NBEAL1: variants seen among roughly 807,000 people sequenced by gnomAD.
NBEAL1 encodes neurobeachin like 1.
Under a neutral mutation model 351.3 loss-of-function variants are expected in NBEAL1, and 273 were observed. That is an observed-to-expected ratio of 0.78 (90% CI 0.70 to 0.86). The LOEUF (loss-of-function observed/expected upper bound fraction) is 0.86, where lower values mean the gene tolerates loss of function less well. Among genes scored for constraint, NBEAL1 ranks in the 40% least tolerant of loss-of-function variants. The pLI is 0.00. For missense variants in NBEAL1, 2,961 were observed against 3,201.3 expected, an observed-to-expected ratio of 0.92 and a Z score of 1.81; for synonymous variants, 1,050 against 1,086.4, an observed-to-expected ratio of 0.97 and a Z score of 0.66.
intron 12 of NBEAL1, among the ~76,000 whole-genome samples, chr2:203,100,014 G>A (rs1424349882): frequency 6.6e-6 from 1 of 152,086 alleles, no homozygotes; most frequent in Non-Finnish European, 1.5e-5. Context: ...TTCTATTCCT[G>A]TGTTAGTTCG....
chr2:203,110,287 G>A lies in NBEAL1; in HGVS notation c.2082+5G>A, dbSNP rs752961668. 10 of 1,548,132 alleles carry A rather than the reference G, an allele frequency of 6.5e-6. No individual in the cohort carries two copies. Among genetic ancestry groups the A allele is most frequent in the Non-Finnish European group, 8.7e-6 (10 of 1,146,028 alleles). Reference sequence around the variant, plus strand: ...AGTTTCTGTGATTCCCTCTGGGTAAGGCTTTAGGGCATCACATTTAACTTC... The same window carrying A: ...AGTTTCTGTGATTCCCTCTGGGTAAAGCTTTAGGGCATCACATTTAACTTC... On this transcript the variant is annotated splice_donor_5th_base_variant and intron_variant, in intron 15 of 55. Coordinates refer to ENST00000683969, the MANE Select transcript of NBEAL1 (RefSeq NM_001378026.1).
chr2:203,115,645 G>A (rs1388958756), intron 17 of NBEAL1, among the ~76,000 whole-genome samples: 1 of 152,030 alleles, frequency 6.6e-6, no homozygotes, highest in African/African-American at 2.4e-5. Context: ...GCCCAGGCTG[G>A]TCTCAAACTC....
At position 203,171,990 on chromosome 2, in the gene NBEAL1, A is replaced by G; in HGVS notation, c.6165A>G (p.Gly2055=). The G allele has an allele frequency of 6.2e-7, 1 of 1,607,816 alleles. No individual in the cohort carries two copies. Among genetic ancestry groups the G allele is most frequent in the Non-Finnish European group, 8.5e-7 (1 of 1,177,846 alleles). The change falls in exon 40 of 56, where the codon GGA becomes GGG. Residue 2055 remains glycine, a synonymous_variant. Transcript: ENST00000683969. ...DYLIQINTMA[G]RTYNDLAQYP... is the part of the protein sequence containing the mutation. ...TCATTCAAATAAATACAATGGCAGG[A>G]CGAACCTATAATGACCTTGCACAGT...
intron 51 of NBEAL1, among the ~76,000 whole-genome samples, chr2:203,207,093 C>T (rs1270342317): frequency 1.3e-5 from 2 of 148,426 alleles, no homozygotes; most frequent in African/African-American, 2.4e-5. Context: ...ATGTGAGGAG[C>T]GTCTCTGCCC....
chr2:203,116,930 G>A (rs1343349150), intron 18 of NBEAL1, among the ~76,000 whole-genome samples: 5 of 151,580 alleles, frequency 3.3e-5, no homozygotes, highest in South Asian at 4.2e-4. Flanking sequence ...AGTGAAACCC[G>A]TCTCTACTAA....
intron 31 of NBEAL1, among the ~76,000 whole-genome samples, chr2:203,143,452 G>T (rs1400780192): frequency 2.8e-5 from 4 of 145,036 alleles, no homozygotes; most frequent in East Asian, 1.9e-4. Context: ...TAGTTAAGAA[G>T]ATTTTTTTGC....
chr2:203,177,136 G>A (rs1351761850), intron 42 of NBEAL1, among the ~76,000 whole-genome samples: 1 of 136,088 alleles, frequency 7.3e-6, no homozygotes, highest in Non-Finnish European at 1.5e-5. Flanking sequence ...GGGTGACACA[G>A]CAAAGCTCTA....
chr2:203,047,162 G>A (rs1270498274), intron 3 of NBEAL1, among the ~76,000 whole-genome samples: 1 of 151,924 alleles, frequency 6.6e-6, no homozygotes, highest in Non-Finnish European at 1.5e-5. Context: ...GCTTGAATGC[G>A]GGAGGCCAAG....
Position 203,136,161 on chromosome 2 carries a change from C to A in NBEAL1, c.4298C>A (p.Thr1433Asn). The change falls in exon 28 of 56, where the codon ACT becomes AAT. Residue 1433 changes from threonine to asparagine, a missense_variant. Thr to Asn is a moderately conservative substitution (Grantham distance 65). Coordinates refer to ENST00000683969, the MANE Select transcript of NBEAL1 (RefSeq NM_001378026.1). Reference protein sequence around the residue: ...LPSTPSPVESTKSFSVHSDRE... With the variant: ...LPSTPSPVESNKSFSVHSDRE... ...AGCACACCATCCCCAGTAGAGTCTA[C>A]TAAATCGTTTTCTGTGCACTCTGAC... The A allele has an allele frequency of 6.2e-7, 1 of 1,614,016 alleles. No homozygotes were observed. Among genetic ancestry groups the A allele is most frequent in the Non-Finnish European group, 8.5e-7 (1 of 1,179,960 alleles).
At chr2:203,059,907 T>A (rs993895525) in intron 6 of NBEAL1, among the ~76,000 whole-genome samples, 1 of 152,198 alleles carries the variant, frequency 6.6e-6, no homozygotes, top group African/African-American at 2.4e-5. Context: ...TTTATACTCA[T>A]TAGCACTTTG....
Position 203,057,913 on chromosome 2 carries a change from A to C in NBEAL1, c.515+460A>C, listed in dbSNP as rs558183929. Among the ~76,000 whole-genome samples, 11 of 146,744 alleles carry C rather than the reference A, an allele frequency of 7.5e-5. No individual in the cohort carries two copies. The South Asian group carries it at 2.1e-3, about 28-fold the overall frequency. ...TGCAGTGGCACAGTGGCATGATTTC[A>C]GCTCACTGCAACCTTCGCCTCCCAG... On this transcript the variant is annotated intron_variant, in intron 6 of 55. Coordinates refer to ENST00000683969, the MANE Select transcript of NBEAL1 (RefSeq NM_001378026.1).
intron 45 of NBEAL1, among the ~76,000 whole-genome samples, chr2:203,189,977 A>C (rs2065019239): frequency 6.6e-6 from 1 of 151,990 alleles, no homozygotes. Context: ...CTCTACTAAA[A>C]GTACAAAAAT....
At chr2:203,190,425 C>G (rs557214146) in intron 46 of NBEAL1, 36 bp downstream of exon 46, 81 of 1,437,760 alleles carry the variant, frequency 5.6e-5, no homozygotes, top group Non-Finnish European at 7.6e-5. Context: ...TTTAAGTCAA[C>G]TTAAGAAGTA....
intron 44 of NBEAL1, 24 bp from the exon 45 acceptor site, chr2:203,188,448 T>C (rs2064975036): frequency 7.9e-7 from 1 of 1,262,256 alleles, no homozygotes; most frequent in Non-Finnish European, 1.1e-6. Flanking sequence ...TCTATATTAA[T>C]TATTAAATTT....
chr2:203,186,093 C>T (rs540921264), intron 44 of NBEAL1, among the ~76,000 whole-genome samples: 3 of 152,282 alleles, frequency 2.0e-5, no homozygotes, highest in Non-Finnish European at 2.9e-5. Flanking sequence ...AGTAAATCTT[C>T]GTTGGTCATA....
chr2:203,110,591 T>C lies in NBEAL1; in HGVS notation c.2082+309T>C, dbSNP rs1215919278. Among the ~76,000 whole-genome samples the C allele has an allele frequency of 2.0e-5, 3 of 151,206 alleles. No individual in the cohort carries two copies. In the East Asian group the frequency reaches 5.9e-4, roughly 30 times the overall value. ...TGGGAGGCTGAGTTGGGAGAATTGC[T>C]TGAGCCCAGGAAGTCAAGGCTCCAG... On this transcript the variant is annotated intron_variant, in intron 15 of 55. Coordinates refer to ENST00000683969, the MANE Select transcript of NBEAL1 (RefSeq NM_001378026.1).
At chr2:203,029,887 T>C (rs1346560940) in intron 2 of NBEAL1, among the ~76,000 whole-genome samples, 2 of 152,180 alleles carry the variant, frequency 1.3e-5, no homozygotes, top group Admixed American at 6.5e-5. Flanking sequence ...ATTTTTGCCT[T>C]CTTCTATTTA....
At chr2:203,030,083 A>C (rs975342539) in intron 2 of NBEAL1, among the ~76,000 whole-genome samples, 2 of 152,234 alleles carry the variant, frequency 1.3e-5, no homozygotes, top group Non-Finnish European at 2.9e-5. Context: ...TAGTTACAGA[A>C]GATGTTCCAG....
In NBEAL1 at chr2:203,041,863, A is replaced by G. The variant is rs1230083080; in HGVS notation, c.143+7A>G. 1 of 1,542,046 alleles carries G rather than the reference A, an allele frequency of 6.5e-7. No individual in the cohort carries two copies. Among genetic ancestry groups the G allele is most frequent in the East Asian group, 2.4e-5 (1 of 41,186 alleles). ...TTGAAAAGCTGCCTACCAGGTATGT[A>G]GAAACGCTAATTTGTAACCCCTGGA... On this transcript the variant is annotated splice_region_variant and intron_variant, in intron 3 of 55. Coordinates refer to ENST00000683969, the MANE Select transcript of NBEAL1 (RefSeq NM_001378026.1).
Sources: allele counts gnomAD v4.1 joint callset (sites outside exome capture counted in the v4.1 genomes callset), GRCh38; gene constraint gnomAD v4.1.1; transcripts MANE v1.5; gene names NCBI Gene and HGNC (gene_info 2026-07-23, HGNC 2026-07-21).